CEP83: variants seen among roughly 807,000 people sequenced by gnomAD.
The protein encoded by CEP83 is centrosomal protein of 83 kDa.
A neutral mutation model predicts 101.9 loss-of-function variants in CEP83; 70 were observed. The ratio of observed to expected loss-of-function variants is 0.69; its 90% CI spans 0.57 to 0.84. CEP83 has a LOEUF of 0.84. CEP83 is among the 40% of genes least tolerant of loss of function. CEP83 has a pLI of 0.00. For missense variants in CEP83, 715 were observed against 787.2 expected (o/e 0.91, Z 1.10); for synonymous variants, 264 against 267.9 (o/e 0.99, Z 0.14).
At chr12:94,306,814 C>G (rs1969072585), downstream of CEP83, 1 of 152,142 alleles carries the variant, frequency 6.6e-6, no homozygotes, top group Admixed American at 6.6e-5. Flanking sequence ...AGAAAATAAG[C>G]AGTTACTACC....
At chr12:94,349,114 C>T (rs888332290) in intron 11 of CEP83, among the ~76,000 whole-genome samples, 1 of 151,676 alleles carries the variant, frequency 6.6e-6, no homozygotes, top group Admixed American at 6.6e-5. Flanking sequence ...AGTGAAACAC[C>T]GTCTCTACTA....
At chr12:94,286,616 CAAA>C in the CEP83 span, among the ~76,000 whole-genome samples, 9,794 of 101,416 alleles carry the variant, frequency 0.097, 259 homozygotes, top group South Asian at 0.13. Flanking sequence ...TGCTTAAAAG[CAAA>C]AAAAAAAAAA....
intron 6 of CEP83, among the ~76,000 whole-genome samples, chr12:94,398,487 A>G (rs2063040121): frequency 6.6e-6 from 1 of 152,192 alleles, no homozygotes; most frequent in Non-Finnish European, 1.5e-5. Context: ...TGCCTGTCTT[A>G]CTTCAATCTC....
intron 11 of CEP83, among the ~76,000 whole-genome samples, chr12:94,360,483 T>C (rs773851770): frequency 2.9e-4 from 44 of 151,490 alleles, no homozygotes; most frequent in Admixed American, 7.2e-4. Context: ...TTAAACTAAC[T>C]GGAAAAGAAA....
At position 94,359,853 on chromosome 12, in the gene CEP83, T is replaced by C. The variant is rs80231745; in HGVS notation, c.1343+7941A>G. Among the ~76,000 whole-genome samples, 922 of 152,220 alleles carry C rather than the reference T, an allele frequency of 6.1e-3. 14 individuals carry two copies. Among genetic ancestry groups the C allele is most frequent in the African/African-American group, 0.021 (877 of 41,518 alleles). ...AAAAGAGCACTATGGCCAGTATCCC[T>C]AATAAATACAGATGCAAAAACCCTC... On this transcript the variant is annotated intron_variant, in intron 11 of 16. Transcript: ENST00000397809.
At chr12:94,396,795 CTGTG>C (rs2062928259) in intron 6 of CEP83, among the ~76,000 whole-genome samples, 3 of 152,162 alleles carry the variant, frequency 2.0e-5, no homozygotes, top group Admixed American at 2.0e-4. Flanking sequence ...TGTGCAAGTA[CTGTG>C]TAAGTCCTAA....
At chr12:94,280,840 T>G in the CEP83 span, among the ~76,000 whole-genome samples, 1 of 152,176 alleles carries the variant, frequency 6.6e-6, no homozygotes, top group Admixed American at 6.5e-5. Context: ...TTCCTGAGTT[T>G]GGGTGTCCCT....
At chr12:94,369,058 C>T (rs1014000832) in intron 9 of CEP83, 1 of 152,172 alleles carries the variant, frequency 6.6e-6, no homozygotes. Flanking sequence ...TCAAGCATAG[C>T]TACAGGCCAA....
intron 1 of CEP83, among the ~76,000 whole-genome samples, chr12:94,445,822 G>GTATTTAATGA (rs2066758711): frequency 6.6e-6 from 1 of 152,182 alleles, no homozygotes; most frequent in Non-Finnish European, 1.5e-5. Context: ...ATGAGTATGG[G>GTATTTAATGA]TGTGTATTTA....
intron 2 of CEP83, among the ~76,000 whole-genome samples, chr12:94,434,699 G>A (rs2065871753): frequency 6.6e-6 from 1 of 152,184 alleles, no homozygotes; most frequent in Admixed American, 6.5e-5. Context: ...ATATTTGCAT[G>A]TACATAATGA....
At chr12:94,311,767 A>G (rs1017955710) in intron 15 of CEP83, among the ~76,000 whole-genome samples, 4 of 152,268 alleles carry the variant, frequency 2.6e-5, no homozygotes, top group African/African-American at 9.6e-5. Flanking sequence ...TTCACAGATC[A>G]TCATCTTTTT....
chr12:94,393,631 A>G (rs1391808267), intron 6 of CEP83, among the ~76,000 whole-genome samples: 2 of 152,226 alleles, frequency 1.3e-5, no homozygotes, highest in African/African-American at 4.8e-5. Flanking sequence ...CAGGGCAACC[A>G]GACAAGAGAA....
chr12:94,407,802 T>C (rs1036408512), intron 4 of CEP83: 2 of 152,262 alleles, frequency 1.3e-5, no homozygotes, highest in East Asian at 1.9e-4. Context: ...TATTCTCTCT[T>C]AGGCTACTTT....
chr12:94,335,505 G>T, intron 12 of CEP83, 84 bp downstream of exon 12: 1 of 819,170 alleles, frequency 1.2e-6, no homozygotes, highest in Non-Finnish European at 2.0e-6. Flanking sequence ...AAATACTGAT[G>T]GCAAAATTTT....
chr12:94,450,606 C>G (rs1031696124), intron 1 of CEP83, among the ~76,000 whole-genome samples: 1 of 152,150 alleles, frequency 6.6e-6, no homozygotes, highest in Non-Finnish European at 1.5e-5. Flanking sequence ...ATGAAAACTC[C>G]ATTTCCAAGA....
chr12:94,289,372 C>T, the CEP83 span, among the ~76,000 whole-genome samples: 15 of 152,336 alleles, frequency 9.8e-5, no homozygotes, highest in Admixed American at 2.6e-4. Context: ...CTTGTTGTCA[C>T]ATCGAATCCT....
chr12:94,277,461 C>T, the CEP83 span, among the ~76,000 whole-genome samples: 5 of 152,222 alleles, frequency 3.3e-5, no homozygotes, highest in African/African-American at 9.7e-5. Flanking sequence ...CCATAAGTCA[C>T]GGGCTCACAT....
chr12:94,269,344 A>G, the CEP83 span, among the ~76,000 whole-genome samples: 18 of 152,228 alleles, frequency 1.2e-4, no homozygotes, highest in Admixed American at 4.6e-4. Flanking sequence ...CTGCAGAAAT[A>G]TTAATGCCTC....
At chr12:94,391,970 G>T (rs556013668) in intron 6 of CEP83, among the ~76,000 whole-genome samples, 2 of 152,222 alleles carry the variant, frequency 1.3e-5, no homozygotes, top group East Asian at 3.9e-4. Context: ...CCCAATATAG[G>T]AGCACCCAGA....
Sources: allele counts gnomAD v4.1 joint callset (sites outside exome capture counted in the v4.1 genomes callset), GRCh38; gene constraint gnomAD v4.1.1; transcripts MANE v1.5; gene names NCBI Gene and HGNC (gene_info 2026-07-23, HGNC 2026-07-21).